PSMD6: variants seen among roughly 807,000 people sequenced by gnomAD.
The protein encoded by PSMD6 is proteasome 26S subunit, non-ATPase 6, also known as 26S proteasome non-ATPase regulatory subunit 6.
PSMD6 carries 7 observed loss-of-function variants against 44.9 expected under a neutral mutation model. The observed-to-expected ratio is 0.16, with a 90% confidence interval of 0.09 to 0.29. The LOEUF (loss-of-function observed/expected upper bound fraction) is 0.29. Ranked by LOEUF, PSMD6 falls within the 10% of genes least tolerant of loss-of-function variation. The pLI is 1.00. For missense variants in PSMD6, 420 were observed against 482.6 expected (o/e 0.87, Z 1.21); for synonymous variants, 184 against 172.7 (o/e 1.07, Z -0.51).
chr3:64,023,137 G>T, intron 1 of PSMD6, 138 bp downstream of exon 1: 2 of 1,423,600 alleles, frequency 1.4e-6, no homozygotes, highest in East Asian at 5.2e-5. Context: ...AAAACCCTAA[G>T]GGCCGGAGAA....
intron 2 of PSMD6, 64 bp from the exon 3 acceptor site, chr3:64,019,505 T>C: frequency 6.6e-7 from 1 of 1,522,848 alleles, no homozygotes; most frequent in Non-Finnish European, 8.9e-7. Context: ...AGCTATCAGC[T>C]GTCTGGGATT....
chr3:64,023,216 C>G, intron 1 of PSMD6, 59 bp downstream of exon 1: 1 of 1,491,230 alleles, frequency 6.7e-7, no homozygotes, highest in East Asian at 2.6e-5. Flanking sequence ...CCCGCAGGCT[C>G]CGGAACGCGG....
intron 5 of PSMD6, chr3:64,015,337 TAAC>T (rs2076026206): frequency 6.6e-6 from 1 of 152,166 alleles, no homozygotes; most frequent in Non-Finnish European, 1.5e-5. Context: ...CCCAAGGAAA[TAAC>T]AAGTGGGAAA....
chr3:64,011,798 T>TA (rs1190467408), intron 6 of PSMD6: 2 of 152,248 alleles, frequency 1.3e-5, no homozygotes, highest in African/African-American at 2.4e-5. Context: ...ACATTACAGT[T>TA]ACGATACTGA....
At chr3:64,017,738 C>T (rs1186004950) in intron 5 of PSMD6, 1 of 152,180 alleles carries the variant, frequency 6.6e-6, no homozygotes, top group Non-Finnish European at 1.5e-5. Flanking sequence ...GGGCCAAAAC[C>T]CACTGCAAAA....
intron 5 of PSMD6, chr3:64,014,134 T>C (rs2106849564): frequency 6.6e-6 from 1 of 152,218 alleles, no homozygotes; most frequent in African/African-American, 2.4e-5. Flanking sequence ...TGAACAAGGT[T>C]TGAAGACAAA....
rs996171258 is a variant in PSMD6, at chr3:64,011,100, G to T, written c.996-145C>A. The T allele has an allele frequency of 2.2e-5, 14 of 639,376 alleles. No individual in the cohort carries two copies. The Middle Eastern group carries it at 2.2e-3, about 98-fold the overall frequency. The allele number at this position is 639,376 out of a possible 1,614,324, so 39.6% of individuals were successfully genotyped here. The stretch of plus-strand genomic sequence containing the variant: ...TATTGCACATGCAGTAGTTGACGTT[G>T]TCCCTCCTATACTGCAGGCTTTAAG... On this transcript the variant is annotated intron_variant, in intron 6 of 7. Coordinates refer to ENST00000295901, the MANE Select transcript of PSMD6 (RefSeq NM_014814.3).
intron 2 of PSMD6, among the ~76,000 whole-genome samples, chr3:64,020,779 C>G (rs1037302448): frequency 1.3e-5 from 2 of 152,130 alleles, no homozygotes; most frequent in East Asian, 3.8e-4. Flanking sequence ...ATGAGGAAAC[C>G]GAGGGTTTCA....
chr3:64,015,505 A>T (rs938906534), intron 5 of PSMD6: 13 of 152,234 alleles, frequency 8.5e-5, no homozygotes, highest in African/African-American at 3.1e-4. Context: ...GCTCCTAGGA[A>T]CACTACCTGT....
Position 64,022,327 on chromosome 3 carries a change from T to C in PSMD6, c.342A>G (p.Ile114Met), listed in dbSNP as rs777735237. Residue 114 changes from isoleucine (I) to methionine (M), a missense_variant, in exon 2 of 8, where the codon ATA becomes ATG. Coordinates refer to ENST00000295901, the MANE Select transcript of PSMD6 (RefSeq NM_014814.3). Reference protein sequence around the residue: ...MMAKAEYLCRIGDKEGALTAF... With the variant: ...MMAKAEYLCRMGDKEGALTAF... Reference sequence around the variant, plus strand: ...AACCATCTCTACTCACTTTGTCACCTATCCGGCAGAGGTACTCGGCCTTTG... The same window carrying C: ...AACCATCTCTACTCACTTTGTCACCCATCCGGCAGAGGTACTCGGCCTTTG... 4.3e-6 allele frequency: 7 copies of C among 1,614,098 alleles called. No individual in the cohort carries two copies. In the South Asian group the frequency reaches 6.6e-5, roughly 15 times the overall value.
At chr3:64,023,583 C>A, upstream of PSMD6, 2 of 1,413,202 alleles carry the variant, frequency 1.4e-6, no homozygotes, top group Non-Finnish European at 1.8e-6. Flanking sequence ...GAACGCCTCA[C>A]CCGGCCTGGG....
chr3:64,016,037 A>C (rs1325499348), intron 5 of PSMD6: 1 of 152,076 alleles, frequency 6.6e-6, no homozygotes, highest in Admixed American at 6.5e-5. Flanking sequence ...AATACAAAAA[A>C]TTAGCCGGGC....
At chr3:64,012,169 T>TAATAAAATGTATAGATTGTA (rs2075967616) in intron 6 of PSMD6, 2 of 133,862 alleles carry the variant, frequency 1.5e-5, no homozygotes, top group Admixed American at 7.2e-5. Flanking sequence ...AAATGTACTG[T>TAATAAAATGTATAGATTGTA]ACAATTCTTT....
chr3:64,023,612 G>C (rs1424584181), upstream of PSMD6: 3 of 1,418,006 alleles, frequency 2.1e-6, no homozygotes, highest in Non-Finnish European at 2.8e-6. Flanking sequence ...CCCCTGTGTG[G>C]TCACGGGGGC....
intron 2 of PSMD6, chr3:64,019,955 G>C (rs184964328): frequency 6.6e-6 from 1 of 152,382 alleles, no homozygotes; most frequent in African/African-American, 2.4e-5. Context: ...TGTCTGCCTG[G>C]TTTATGTAAT....
chr3:64,020,983 TCCAGTAATGGTGAGTACC>T, intron 2 of PSMD6, among the ~76,000 whole-genome samples: 1 of 152,154 alleles, frequency 6.6e-6, no homozygotes, highest in South Asian at 2.1e-4. Context: ...ATTTCAAAGA[TCCAGTAATGGTGAGTACC>T]CCTCTGGTGC....
rs2076098240 is a variant in PSMD6, at chr3:64,019,564, G to A, written c.352-123C>T. ...GTAGGAGTAGAAGTACAACAAGATG[G>A]CCATTAACTGTTAATTGTTGAAGCT... On this transcript the variant is annotated intron_variant, in intron 2 of 7. Transcript: ENST00000295901. The A allele has an allele frequency of 4.1e-6, 4 of 965,432 alleles. No individual in the cohort carries two copies. The African/African-American group carries it at 5.0e-5, about 12-fold the overall frequency. The allele number at this position is 965,432 out of a possible 1,614,324, so 59.8% of individuals were successfully genotyped here.
chr3:64,013,407 A>G, intron 6 of PSMD6, 32 bp downstream of exon 6: 1 of 1,506,062 alleles, frequency 6.6e-7, no homozygotes, highest in Non-Finnish European at 8.9e-7. Context: ...CAACTTTAAA[A>G]CTTCAATTAA....
At chr3:64,013,369 A>AC in intron 6 of PSMD6, 70 bp downstream of exon 6, 1 of 1,398,762 alleles carries the variant, frequency 7.1e-7, no homozygotes, top group South Asian at 1.5e-5. Flanking sequence ...CAAGTAAAAA[A>AC]TTGTACAAGT....
Sources: allele counts gnomAD v4.1 joint callset (sites outside exome capture counted in the v4.1 genomes callset), GRCh38; gene constraint gnomAD v4.1.1; transcripts MANE v1.5; gene names NCBI Gene and HGNC (gene_info 2026-07-23, HGNC 2026-07-21).